NIM1K: variants seen among roughly 807,000 people sequenced by gnomAD.
NIM1K encodes NIM1 serine/threonine protein kinase, also known as serine/threonine-protein kinase NIM1.
NIM1K carries 35 observed loss-of-function variants against 37.1 expected under a neutral mutation model. That is an observed-to-expected ratio of 0.94 (90% CI 0.72 to 1.25). The LOEUF (loss-of-function observed/expected upper bound fraction) is 1.25. Ranked by LOEUF, NIM1K falls within the 50% of genes most tolerant of loss-of-function variation. The pLI, the probability that NIM1K is intolerant of heterozygous loss-of-function variation, is 0.00. For missense variants in NIM1K, 564 were observed against 548.0 expected, an observed-to-expected ratio of 1.03 and a Z score of -0.29; for synonymous variants, 234 against 206.6, an observed-to-expected ratio of 1.13 and a Z score of -1.14.
chr5:43,252,423 A>G (rs2112271431), intron 2 of NIM1K, among the ~76,000 whole-genome samples: 1 of 152,270 alleles, frequency 6.6e-6, no homozygotes, highest in South Asian at 2.1e-4. Context: ...TTGTACAAAT[A>G]TGGCCCCCAC....
intron 2 of NIM1K, among the ~76,000 whole-genome samples, chr5:43,267,816 C>T (rs1000679728): frequency 6.6e-6 from 1 of 152,090 alleles, no homozygotes; most frequent in South Asian, 2.1e-4. Context: ...TGAGAAGATG[C>T]TTGATATGAT....
At chr5:43,213,315 C>G (rs541634355) in intron 1 of NIM1K, among the ~76,000 whole-genome samples, 11 of 113,380 alleles carry the variant, frequency 9.7e-5, no homozygotes, top group African/African-American at 3.5e-4. Context: ...CTTTTCTTTT[C>G]TTTTCTTTTC....
At chr5:43,277,399 A>C in intron 3 of NIM1K, 74 bp downstream of exon 3, 1 of 1,486,462 alleles carries the variant, frequency 6.7e-7, no homozygotes, top group Middle Eastern at 2.3e-4. Context: ...TAGGTTACTA[A>C]CCCTCAAGTG....
chr5:43,262,770 G>A (rs917052059), intron 2 of NIM1K, among the ~76,000 whole-genome samples: 1 of 152,082 alleles, frequency 6.6e-6, no homozygotes, highest in African/African-American at 2.4e-5. Context: ...TTACTATTTT[G>A]TGATGCATTC....
chr5:43,215,125 C>T (rs978324737), intron 1 of NIM1K, among the ~76,000 whole-genome samples: 1 of 152,214 alleles, frequency 6.6e-6, no homozygotes, highest in Admixed American at 6.5e-5. Flanking sequence ...TATCTGCTTT[C>T]ACTTACCTCC....
At chr5:43,196,487 T>C (rs1460924341) in intron 1 of NIM1K, among the ~76,000 whole-genome samples, 2 of 148,722 alleles carry the variant, frequency 1.3e-5, no homozygotes, top group African/African-American at 4.9e-5. Context: ...AAAAAAAAAT[T>C]AGCCAGGTGT....
intron 2 of NIM1K, among the ~76,000 whole-genome samples, chr5:43,253,796 A>T (rs1752902902): frequency 6.6e-6 from 1 of 151,538 alleles, no homozygotes; most frequent in African/African-American, 2.4e-5. Flanking sequence ...AGTAGCTGGG[A>T]TTACAGGCAC....
chr5:43,233,218 A>G lies in NIM1K; in HGVS notation c.-694-11864A>G, dbSNP rs1301910711. The stretch of plus-strand genomic sequence containing the variant: ...CCGAGGCGATGGTGGAGACAAGGAG[A>G]GATTGTTGCTTCTTACAGTGCGACT... On this transcript the variant is annotated intron_variant, in intron 1 of 3. Coordinates refer to ENST00000326035, the MANE Select transcript of NIM1K (RefSeq NM_153361.4). 13 of 913,938 alleles carry G rather than the reference A, an allele frequency of 1.4e-5. No homozygotes were observed. In the Admixed American group the frequency reaches 2.1e-4, roughly 15 times the overall value. 56.6% of individuals were successfully genotyped at this position (913,938 alleles called of 1,614,324 possible). A position where few individuals can be genotyped will look rare whatever the true frequency, so the allele number is the denominator to read the frequency against.
chr5:43,238,219 T>A (rs1366370979), intron 1 of NIM1K, among the ~76,000 whole-genome samples: 3 of 151,902 alleles, frequency 2.0e-5, no homozygotes, highest in Non-Finnish European at 4.4e-5. Flanking sequence ...ATTTTTTGTA[T>A]TTTTAGTAGA....
intron 1 of NIM1K, among the ~76,000 whole-genome samples, chr5:43,201,181 G>A (rs1468014801): frequency 1.3e-5 from 2 of 151,538 alleles, no homozygotes; most frequent in African/African-American, 4.9e-5. Flanking sequence ...AGGCCAAGGC[G>A]GGCGGATCAT....
chr5:43,252,121 C>T (rs79613423), intron 2 of NIM1K, among the ~76,000 whole-genome samples: 2 of 141,358 alleles, frequency 1.4e-5, no homozygotes, highest in African/African-American at 5.2e-5. Context: ...TGTGAAAGGA[C>T]AAAAAAAAAA....
At chr5:43,233,093 G>C in intron 1 of NIM1K, 1 of 1,344,328 alleles carries the variant, frequency 7.4e-7, no homozygotes, top group Non-Finnish European at 1.1e-6. Context: ...TGGATGCCAT[G>C]TTCCAGGCAG....
At chr5:43,212,016 G>A (rs1174862502) in intron 1 of NIM1K, among the ~76,000 whole-genome samples, 3 of 152,096 alleles carry the variant, frequency 2.0e-5, no homozygotes, top group Non-Finnish European at 4.4e-5. Context: ...ATTTTTCTTA[G>A]GATGATTACC....
intron 1 of NIM1K, among the ~76,000 whole-genome samples, chr5:43,210,827 A>G (rs960866177): frequency 1.3e-5 from 2 of 152,216 alleles, no homozygotes; most frequent in Non-Finnish European, 2.9e-5. Flanking sequence ...CCAACCCCCC[A>G]GTGAGGTACA....
chr5:43,260,071 T>C (rs998749364), intron 2 of NIM1K, among the ~76,000 whole-genome samples: 1 of 152,188 alleles, frequency 6.6e-6, no homozygotes, highest in African/African-American at 2.4e-5. Flanking sequence ...TATGCTTTGT[T>C]GAAGATCAGT....
At chr5:43,199,713 C>T (rs191040141) in intron 1 of NIM1K, among the ~76,000 whole-genome samples, 92 of 150,378 alleles carry the variant, frequency 6.1e-4, no homozygotes, top group African/African-American at 2.0e-3. Flanking sequence ...AAACTGGGAT[C>T]GCCAGCTACT....
intron 1 of NIM1K, among the ~76,000 whole-genome samples, chr5:43,198,231 TTC>T (rs1491505956): frequency 7.0e-6 from 1 of 142,620 alleles, no homozygotes; most frequent in Non-Finnish European, 1.5e-5. Flanking sequence ...CTTTCTTTCT[TTC>T]TTTCTTTCTT....
chr5:43,254,199 G>A (rs564093093), intron 2 of NIM1K, among the ~76,000 whole-genome samples: 3 of 151,840 alleles, frequency 2.0e-5, no homozygotes, highest in African/African-American at 7.3e-5. Context: ...GTGATCAATG[G>A]TATGGGTGAG....
At chr5:43,265,842 A>G (rs886785450) in intron 2 of NIM1K, among the ~76,000 whole-genome samples, 1 of 152,168 alleles carries the variant, frequency 6.6e-6, no homozygotes, top group Non-Finnish European at 1.5e-5. Flanking sequence ...TTTCCTTCTA[A>G]CAGACAGGAC....
Sources: allele counts gnomAD v4.1 joint callset (sites outside exome capture counted in the v4.1 genomes callset), GRCh38; gene constraint gnomAD v4.1.1; transcripts MANE v1.5; gene names NCBI Gene and HGNC (gene_info 2026-07-23, HGNC 2026-07-21).